The following ROR2 variants were observed in gnomAD, a reference collection of about 807,000 sequenced individuals.
ROR2 encodes ROR family WNT receptor 2.
In ROR2, 33 loss-of-function variants were observed where a neutral mutation model predicts 74.9. That is an observed-to-expected ratio of 0.44 (90% CI 0.33 to 0.59). The LOEUF is 0.59. ROR2 is among the 20% of genes least tolerant of loss of function. ROR2 has a pLI of 0.02. For synonymous variants in ROR2, 586 were observed against 558.7 expected (o/e 1.05, Z -0.69); for missense variants, 1,216 against 1,313.8 (o/e 0.93, Z 1.15).
chr9:91,747,702 A>T (rs111349606), intron 4 of ROR2, among the ~76,000 whole-genome samples: 3 of 55,368 alleles, frequency 5.4e-5, no homozygotes, highest in African/African-American at 2.9e-4. Flanking sequence ...ATTCTCTCCT[A>T]TCTTTGGTTA....
At chr9:91,738,929 C>T (rs1825128005) in intron 4 of ROR2, among the ~76,000 whole-genome samples, 2 of 152,196 alleles carry the variant, frequency 1.3e-5, no homozygotes, top group Admixed American at 1.3e-4. Flanking sequence ...GGTCTGGCTT[C>T]AGCCAATGAA....
At position 91,860,647 on chromosome 9, in the gene ROR2, G is replaced by A. The variant is rs1357247696; in HGVS notation, c.98-84829C>T. On this transcript the variant is annotated intron_variant, in intron 1 of 8. Coordinates refer to ENST00000375708, the MANE Select transcript of ROR2 (RefSeq NM_004560.4). ...CCCAGGGAGCCATGTGTGAGTCCTA[G>A]AGTCCAAAGGCTGGAAGGCCTGGAG... Among the ~76,000 whole-genome samples the A allele has an allele frequency of 2.0e-5, 3 of 152,210 alleles. No homozygotes were observed. In the East Asian group the frequency reaches 5.8e-4, roughly 29 times the overall value.
intron 1 of ROR2, among the ~76,000 whole-genome samples, chr9:91,922,637 T>C (rs1831301709): frequency 6.6e-6 from 1 of 152,086 alleles, no homozygotes; most frequent in African/African-American, 2.4e-5. Flanking sequence ...GTATTTTTAG[T>C]AGAGACAGGA....
intron 1 of ROR2, among the ~76,000 whole-genome samples, chr9:91,854,029 G>A (rs911547391): frequency 2.0e-5 from 3 of 152,162 alleles, no homozygotes; most frequent in Non-Finnish European, 4.4e-5. Flanking sequence ...AGGAAGGAGA[G>A]GAGAAGGGGA....
intron 1 of ROR2, among the ~76,000 whole-genome samples, chr9:91,935,162 T>C (rs552953414): frequency 2.0e-5 from 3 of 152,260 alleles, no homozygotes; most frequent in South Asian, 4.1e-4. Flanking sequence ...AATATGCTCA[T>C]TGCAAATCTC....
chr9:91,814,648 A>C (rs1376643638), intron 1 of ROR2, among the ~76,000 whole-genome samples: 7 of 152,364 alleles, frequency 4.6e-5, no homozygotes, highest in African/African-American at 1.7e-4. Context: ...CCACGTTTAC[A>C]GGCTCCCTCA....
chr9:91,922,773 T>C (rs754396149), intron 1 of ROR2, among the ~76,000 whole-genome samples: 2 of 152,080 alleles, frequency 1.3e-5, no homozygotes, highest in Non-Finnish European at 2.9e-5. Flanking sequence ...TTTAAAACTA[T>C]TAGATGGGAA....
chr9:91,935,258 C>CA (rs1429835327), intron 1 of ROR2, among the ~76,000 whole-genome samples: 2 of 152,224 alleles, frequency 1.3e-5, no homozygotes, highest in African/African-American at 2.4e-5. Flanking sequence ...GAGGAGCAGC[C>CA]AGCTGGCCAA....
intron 1 of ROR2, among the ~76,000 whole-genome samples, chr9:91,933,418 GT>G (rs1215101333): frequency 6.6e-6 from 1 of 152,134 alleles, no homozygotes; most frequent in Non-Finnish European, 1.5e-5. Context: ...CTACAGACCT[GT>G]TTCAAGTAAT....
intron 1 of ROR2, among the ~76,000 whole-genome samples, chr9:91,866,590 ACC>A (rs1829642092): frequency 2.0e-5 from 3 of 151,966 alleles, no homozygotes; most frequent in Non-Finnish European, 4.4e-5. Flanking sequence ...TAATTTTTGT[ACC>A]AGCTGCATGT....
chr9:91,925,997 A>C (rs1368690593), intron 1 of ROR2, among the ~76,000 whole-genome samples: 1 of 152,056 alleles, frequency 6.6e-6, no homozygotes, highest in Non-Finnish European at 1.5e-5. Flanking sequence ...TAATCCCAGC[A>C]CTCTGGGAGG....
intron 1 of ROR2, among the ~76,000 whole-genome samples, chr9:91,897,083 C>T (rs917672033): frequency 1.3e-5 from 2 of 152,230 alleles, no homozygotes; most frequent in South Asian, 2.1e-4. Flanking sequence ...TGGATGCACA[C>T]GTAGACCCCG....
chr9:91,948,299 C>T (rs990450697), intron 1 of ROR2, among the ~76,000 whole-genome samples: 1 of 152,232 alleles, frequency 6.6e-6, no homozygotes, highest in Non-Finnish European at 1.5e-5. Context: ...AGCCGCCCAA[C>T]AGCACGTCCA....
chr9:91,880,166 G>T (rs1324832576), intron 1 of ROR2, among the ~76,000 whole-genome samples: 2 of 150,908 alleles, frequency 1.3e-5, no homozygotes, highest in African/African-American at 4.9e-5. Context: ...GTCCTTATAA[G>T]AAAAAAAAAG....
chr9:91,945,103 C>G (rs1831981083), intron 1 of ROR2, among the ~76,000 whole-genome samples: 1 of 151,482 alleles, frequency 6.6e-6, no homozygotes, highest in Non-Finnish European at 1.5e-5. Context: ...AAAGTTAATA[C>G]TACTCAGATC....
At chr9:91,822,348 G>A (rs567147142) in intron 1 of ROR2, among the ~76,000 whole-genome samples, 1 of 152,294 alleles carries the variant, frequency 6.6e-6, no homozygotes, top group Non-Finnish European at 1.5e-5. Flanking sequence ...CGATGTGGAT[G>A]TATAATACAA....
intron 1 of ROR2, among the ~76,000 whole-genome samples, chr9:91,896,790 A>G (rs1830548258): frequency 6.6e-6 from 1 of 152,004 alleles, no homozygotes. Flanking sequence ...CCAAACCTGC[A>G]TTTTTCTTAT....
At chr9:91,872,477 C>T (rs1386983278) in intron 1 of ROR2, among the ~76,000 whole-genome samples, 3 of 152,192 alleles carry the variant, frequency 2.0e-5, no homozygotes, top group Non-Finnish European at 4.4e-5. Context: ...GTGTTTACAC[C>T]ACACAGCCAG....
intron 1 of ROR2, among the ~76,000 whole-genome samples, chr9:91,862,338 A>AAAGGAG (rs1331675304): frequency 6.6e-6 from 1 of 151,778 alleles, no homozygotes; most frequent in Non-Finnish European, 1.5e-5. Flanking sequence ...ACCAAAAAAA[A>AAAGGAG]AAGGAGGAGG....
Sources: gnomAD v4.1 joint callset for allele counts (sites outside exome capture counted in the v4.1 genomes callset) on GRCh38, gnomAD v4.1.1 for gene constraint, MANE v1.5 for transcripts, NCBI Gene and HGNC (gene_info 2026-07-23, HGNC 2026-07-21) for gene names.